Variants in EML6 observed in about 807,000 individuals in gnomAD.
EML6 encodes the protein echinoderm microtubule-associated protein-like 6.
EML6 carries 154 observed loss-of-function variants against 240.1 expected under a neutral mutation model. The observed-to-expected ratio is 0.64, with a 90% CI of 0.56 to 0.73. EML6 has a LOEUF of 0.73. Among genes scored for constraint, EML6 ranks in the 30% least tolerant of loss-of-function variants. The pLI, the probability that EML6 is intolerant of heterozygous loss-of-function variation, is 0.00. For missense variants in EML6, 2,964 were observed against 2,474.6 expected, an observed-to-expected ratio of 1.20 and a Z score of -4.20; for synonymous variants, 1,148 against 899.0, an observed-to-expected ratio of 1.28 and a Z score of -4.95.
At chr2:54,864,643 C>G (rs1413569046) in intron 13 of EML6, among the ~76,000 whole-genome samples, 1 of 152,208 alleles carries the variant, frequency 6.6e-6, no homozygotes, top group Non-Finnish European at 1.5e-5. Flanking sequence ...GATACATGAA[C>G]TGTAAGTGTC....
intron 7 of EML6, among the ~76,000 whole-genome samples, chr2:54,834,572 A>G (rs1191642747): frequency 6.6e-6 from 1 of 152,234 alleles, no homozygotes; most frequent in Non-Finnish European, 1.5e-5. Flanking sequence ...GAAGTCCTGA[A>G]AAGTATACTT....
At chr2:54,843,046 C>G (rs1669546701) in intron 7 of EML6, among the ~76,000 whole-genome samples, 1 of 152,178 alleles carries the variant, frequency 6.6e-6, no homozygotes, top group African/African-American at 2.4e-5. Context: ...TGATCATCAG[C>G]TGTTCTGTAG....
intron 14 of EML6, chr2:54,867,363 G>T (rs1396166444): frequency 2.0e-5 from 3 of 152,726 alleles, no homozygotes; most frequent in African/African-American, 7.2e-5. Context: ...TTTAATGTCG[G>T]TTTAAATGGC....
intron 22 of EML6, among the ~76,000 whole-genome samples, chr2:54,902,677 G>A (rs547954196): frequency 2.6e-5 from 4 of 152,332 alleles, no homozygotes; most frequent in South Asian, 2.1e-4. Flanking sequence ...GGGATTACAG[G>A]CATAAGCCAC....
chr2:54,727,136 A>C (rs1682942213), intron 2 of EML6, among the ~76,000 whole-genome samples: 1 of 152,242 alleles, frequency 6.6e-6, no homozygotes. Context: ...AAGGTGAATG[A>C]AGTGATGTGT....
intron 26 of EML6, among the ~76,000 whole-genome samples, chr2:54,923,666 A>G (rs1305405196): frequency 6.6e-6 from 1 of 152,206 alleles, no homozygotes; most frequent in East Asian, 1.9e-4. Context: ...GTTGAAATAC[A>G]TAAATGTTCA....
Position 54,792,365 on chromosome 2 carries a change from A to G in EML6, c.198-20867A>G, listed in dbSNP as rs544329167. ...ATGCAGATCTTTGGGGATGACTGTCAAAATGCTTAATAAAAACTTGATAGC... is the reference window on the plus strand; with the variant it reads ...ATGCAGATCTTTGGGGATGACTGTCGAAATGCTTAATAAAAACTTGATAGC... On this transcript the variant is annotated intron_variant, in intron 2 of 41. Coordinates refer to ENST00000356458, the MANE Select transcript of EML6 (RefSeq NM_001039753.4). 3.9e-5 allele frequency among the ~76,000 whole-genome samples: 6 copies of G among 152,328 alleles called. No individual in the cohort carries two copies. In the East Asian group the frequency reaches 1.2e-3, roughly 29 times the overall value.
chr2:54,887,610 AT>A (rs1322441685), intron 17 of EML6, among the ~76,000 whole-genome samples: 3 of 152,190 alleles, frequency 2.0e-5, no homozygotes, highest in Admixed American at 6.5e-5. Context: ...GAAATCACCT[AT>A]TCTTCTAATG....
chr2:54,869,225 C>T lies in EML6; in HGVS notation c.2096C>T (p.Ala699Val). 1 of 1,551,748 alleles carries T rather than the reference C, an allele frequency of 6.4e-7. No homozygotes were observed. Among genetic ancestry groups the T allele is most frequent in the Non-Finnish European group, 8.7e-7 (1 of 1,146,890 alleles). ...AGAAACAATCTGTTCTACACACAAG[C>T]TGGAGAAGTAGTCTACCACATTGCT... is the stretch of plus-strand genomic sequence containing the variant. ...DCRNNLFYTQ[A>V]GEVVYHIAAV... The change falls in exon 15 of 42, where the codon GCT (alanine) becomes GTT (valine). Residue 699 changes from alanine to valine, a missense_variant. Ala to Val is a moderately conservative substitution (Grantham distance 64). Coordinates refer to ENST00000356458, the MANE Select transcript of EML6 (RefSeq NM_001039753.4).
At chr2:54,870,685 A>AGAGGT (rs1671211614) in intron 15 of EML6, among the ~76,000 whole-genome samples, 1 of 152,038 alleles carries the variant, frequency 6.6e-6, no homozygotes, top group Non-Finnish European at 1.5e-5. Flanking sequence ...AGTAAAAGCC[A>AGAGGT]GAGGTGTTTT....
At chr2:54,876,698 A>G (rs1671524519) in intron 16 of EML6, among the ~76,000 whole-genome samples, 1 of 152,226 alleles carries the variant, frequency 6.6e-6, no homozygotes, top group Non-Finnish European at 1.5e-5. Flanking sequence ...TTTCTTTAAA[A>G]ATCTGTTTAT....
chr2:54,955,136 C>A (rs924950928), intron 32 of EML6, among the ~76,000 whole-genome samples: 2 of 152,186 alleles, frequency 1.3e-5, no homozygotes, highest in African/African-American at 4.8e-5. Flanking sequence ...TTCTAGGAAA[C>A]CACATGTTCT....
chr2:54,966,319 G>T (rs970062847), intron 38 of EML6, among the ~76,000 whole-genome samples: 2 of 152,190 alleles, frequency 1.3e-5, no homozygotes, highest in African/African-American at 4.8e-5. Context: ...CATTGTTCCA[G>T]GCCATCTGCA....
intron 17 of EML6, chr2:54,879,954 G>A: frequency 4.3e-6 from 1 of 233,390 alleles, no homozygotes; most frequent in Non-Finnish European, 8.2e-6. Flanking sequence ...TCAGGCTGGT[G>A]CCTTGCCCCT....
In EML6 at chr2:54,970,051, T is replaced by C; in HGVS notation, c.5853-20T>C. On this transcript the variant is annotated intron_variant, in intron 41 of 41. Transcript: ENST00000356458. ...ATGATGTCCAGCTATGCAAAATGAC[T>C]GTTTGATCTGCCTTTTCAGTGTATT... The C allele has an allele frequency of 6.4e-7, 1 of 1,551,692 alleles. No individual in the cohort carries two copies. Among genetic ancestry groups the C allele is most frequent in the Non-Finnish European group, 8.7e-7 (1 of 1,146,934 alleles).
chr2:54,770,444 C>G (rs769887407), intron 2 of EML6, among the ~76,000 whole-genome samples: 1 of 152,168 alleles, frequency 6.6e-6, no homozygotes, highest in Non-Finnish European at 1.5e-5. Flanking sequence ...GGTCATTGAC[C>G]TTAAATGAAC....
chr2:54,922,730 A>C (rs1375074882), intron 26 of EML6, among the ~76,000 whole-genome samples: 1 of 152,152 alleles, frequency 6.6e-6, no homozygotes, highest in African/African-American at 2.4e-5. Flanking sequence ...AAAAGAAGGA[A>C]ATCCTGTCAT....
chr2:54,828,058 A>T (rs1167523994), intron 6 of EML6, among the ~76,000 whole-genome samples: 1 of 152,240 alleles, frequency 6.6e-6, no homozygotes, highest in African/African-American at 2.4e-5. Context: ...TAATGTGCCC[A>T]TGAGTTTCTG....
chr2:54,819,924 T>G (rs554238065), intron 4 of EML6, among the ~76,000 whole-genome samples: 28 of 152,302 alleles, frequency 1.8e-4, no homozygotes, highest in African/African-American at 6.5e-4. Flanking sequence ...GCCTTACGTT[T>G]AGGAATATTA....
Sources: allele counts gnomAD v4.1 joint callset (sites outside exome capture counted in the v4.1 genomes callset), GRCh38; gene constraint gnomAD v4.1.1; transcripts MANE v1.5; gene names NCBI Gene and HGNC (gene_info 2026-07-23, HGNC 2026-07-21).